KCNMB2: variants seen among roughly 807,000 people sequenced by gnomAD.
The protein encoded by KCNMB2 is calcium-activated potassium channel subunit beta-2.
In KCNMB2, 9 loss-of-function variants were observed where a neutral mutation model predicts 24.5. That is an observed-to-expected ratio of 0.37 (90% CI 0.22 to 0.64). The LOEUF (loss-of-function observed/expected upper bound fraction) is 0.64, where lower values mean the gene tolerates loss of function less well. KCNMB2 is among the 30% of genes least tolerant of loss of function. The pLI is 0.63. For missense variants in KCNMB2, 226 were observed against 284.3 expected, an observed-to-expected ratio of 0.79 and a Z score of 1.47; for synonymous variants, 109 against 104.4, an observed-to-expected ratio of 1.04 and a Z score of -0.27.
chr3:178,758,206 A>C (rs867440510), intron 1 of KCNMB2, among the ~76,000 whole-genome samples: 1 of 61,190 alleles, frequency 1.6e-5, no homozygotes, highest in Non-Finnish European at 3.0e-5. Context: ...ATATATATAT[A>C]TCCAAGGGGA....
intron 1 of KCNMB2, among the ~76,000 whole-genome samples, chr3:178,734,042 G>A (rs1227335109): frequency 6.6e-6 from 1 of 152,112 alleles, no homozygotes; most frequent in Non-Finnish European, 1.5e-5. Context: ...AAATTCTGTA[G>A]CTGAGCAACA....
At chr3:178,751,921 GA>G (rs1455050605) in intron 1 of KCNMB2, among the ~76,000 whole-genome samples, 1 of 152,188 alleles carries the variant, frequency 6.6e-6, no homozygotes, top group Non-Finnish European at 1.5e-5. Context: ...ATTGAAAGAA[GA>G]AATTAGAATA....
chr3:178,656,647 CCTGTAA>C (rs1180913227), intron 1 of KCNMB2, among the ~76,000 whole-genome samples: 1 of 151,916 alleles, frequency 6.6e-6, no homozygotes, highest in Non-Finnish European at 1.5e-5. Flanking sequence ...GCGGTGGGTG[CCTGTAA>C]TCCCAGCTAC....
At chr3:178,818,032 C>T (rs4254636) in intron 2 of KCNMB2, among the ~76,000 whole-genome samples, 114,764 of 152,038 alleles carry the variant, frequency 0.75, 44,525 homozygotes, top group African/African-American at 0.93. Context: ...ATTTCAGATA[C>T]ATTTAATTCT....
chr3:178,621,233 G>T (rs1718910458), intron 1 of KCNMB2, among the ~76,000 whole-genome samples: 1 of 152,096 alleles, frequency 6.6e-6, no homozygotes, highest in Non-Finnish European at 1.5e-5. Context: ...AGATGGGAAA[G>T]TTCCTCTTCT....
chr3:178,823,443 T>C (rs1449876758), intron 2 of KCNMB2, among the ~76,000 whole-genome samples: 2 of 152,214 alleles, frequency 1.3e-5, no homozygotes, highest in Non-Finnish European at 2.9e-5. Context: ...CTGACTCTCC[T>C]ACTACAATGG....
chr3:178,694,076 C>T (rs1721782906), intron 1 of KCNMB2, among the ~76,000 whole-genome samples: 1 of 152,018 alleles, frequency 6.6e-6, no homozygotes, highest in Non-Finnish European at 1.5e-5. Context: ...AGTTTGACTC[C>T]CAGTTCAGCA....
At chr3:178,785,380 T>C (rs181884165) in intron 1 of KCNMB2, among the ~76,000 whole-genome samples, 4 of 152,066 alleles carry the variant, frequency 2.6e-5, no homozygotes. Context: ...CATGATGAAA[T>C]ATTATACAGT....
At chr3:178,587,137 T>C (rs1717471972) in intron 1 of KCNMB2, among the ~76,000 whole-genome samples, 1 of 152,176 alleles carries the variant, frequency 6.6e-6, no homozygotes. Context: ...TCTATTCTGC[T>C]CTCTGGGTGG....
chr3:178,818,154 T>C (rs1170996522), intron 2 of KCNMB2, among the ~76,000 whole-genome samples: 1 of 152,208 alleles, frequency 6.6e-6, no homozygotes, highest in Non-Finnish European at 1.5e-5. Flanking sequence ...CTTTCCATGT[T>C]TTAGTGGCCA....
chr3:178,630,005 T>C (rs1333464452), intron 1 of KCNMB2, among the ~76,000 whole-genome samples: 3 of 152,226 alleles, frequency 2.0e-5, no homozygotes, highest in African/African-American at 7.2e-5. Context: ...GACTCACAGT[T>C]ACAGTCATGC....
rs35949431 is a variant in KCNMB2, at chr3:178,716,441, A to AT, written c.-67-90882dup. ...AGGTGGAGCCAGAACTAAAACCTGC[A>AT]TTTTTTTTTTTTTTTTTTTTGAGAT... On this transcript the variant is annotated intron_variant, in intron 1 of 4. Transcript: ENST00000452583. Among the ~76,000 whole-genome samples the AT allele has an allele frequency of 8.7e-3, 1,122 of 128,678 alleles. 8 individuals are homozygous for AT. Among genetic ancestry groups the AT allele is most frequent in the African/African-American group, 0.02 (718 of 35,270 alleles). The allele number at this position is 128,678 out of a possible 152,430, so 84.4% of individuals were successfully genotyped here. A position where few individuals can be genotyped will look rare whatever the true frequency, so the allele number is the denominator to read the frequency against.
intron 1 of KCNMB2, among the ~76,000 whole-genome samples, chr3:178,789,188 T>C: frequency 6.6e-6 from 1 of 152,234 alleles, no homozygotes; most frequent in East Asian, 1.9e-4. Flanking sequence ...TAACCTGAGC[T>C]GCTGTCCTCC....
At chr3:178,740,762 AT>A (rs1183766810) in intron 1 of KCNMB2, among the ~76,000 whole-genome samples, 4 of 152,308 alleles carry the variant, frequency 2.6e-5, no homozygotes, top group Non-Finnish European at 4.4e-5. Flanking sequence ...ATGAACACAC[AT>A]GTTGAGCACC....
intron 1 of KCNMB2, among the ~76,000 whole-genome samples, chr3:178,545,910 G>A (rs1715757594): frequency 6.6e-6 from 1 of 152,118 alleles, no homozygotes; most frequent in African/African-American, 2.4e-5. Context: ...CTCCCTCTCT[G>A]TGAAGATGAT....
intron 1 of KCNMB2, among the ~76,000 whole-genome samples, chr3:178,591,719 A>G (rs562261019): frequency 6.6e-6 from 1 of 152,220 alleles, no homozygotes; most frequent in African/African-American, 2.4e-5. Context: ...CTAGGCTCCT[A>G]AGTTTAACTT....
At chr3:178,816,350 C>T (rs1274334076) in intron 2 of KCNMB2, among the ~76,000 whole-genome samples, 1 of 151,732 alleles carries the variant, frequency 6.6e-6, no homozygotes, top group African/African-American at 2.4e-5. Context: ...GTTTTTAATT[C>T]CTGATACTTA....
chr3:178,593,689 TCTA>T (rs988183152), intron 1 of KCNMB2, among the ~76,000 whole-genome samples: 20 of 151,620 alleles, frequency 1.3e-4, no homozygotes, highest in Admixed American at 6.6e-5. Flanking sequence ...CCCGTCTCTA[TCTA>T]CTACCAATTC....
chr3:178,645,861 A>G (rs1719903193), intron 1 of KCNMB2, among the ~76,000 whole-genome samples: 1 of 152,208 alleles, frequency 6.6e-6, no homozygotes, highest in African/African-American at 2.4e-5. Flanking sequence ...TCATGTGCCT[A>G]TTACCTTTTA....
Sources: gnomAD v4.1 joint callset for allele counts (sites outside exome capture counted in the v4.1 genomes callset) on GRCh38, gnomAD v4.1.1 for gene constraint, MANE v1.5 for transcripts, NCBI Gene and HGNC (gene_info 2026-07-23, HGNC 2026-07-21) for gene names.